Variants in ROCK2 observed in about 807,000 individuals in gnomAD.
ROCK2 encodes Rho associated coiled-coil containing protein kinase 2.
In ROCK2, 61 loss-of-function variants were observed where a neutral mutation model predicts 195.1. That is an observed-to-expected ratio of 0.31 (90% confidence interval 0.25 to 0.39). The LOEUF is 0.39. Among genes scored for constraint, ROCK2 ranks in the 10% least tolerant of loss-of-function variants. The pLI, the probability that ROCK2 is intolerant of heterozygous loss-of-function variation, is 1.00. For missense variants in ROCK2, 1,109 were observed against 1,637.4 expected (o/e 0.68, Z 5.57); for synonymous variants, 504 against 545.5 (o/e 0.92, Z 1.06).
upstream of ROCK2, among the ~76,000 whole-genome samples, chr2:11,344,913 G>A (rs941046472): frequency 1.4e-4 from 21 of 145,450 alleles, no homozygotes; most frequent in Middle Eastern, 3.5e-3. The surrounding 1 kb of genome is among the most constrained non-coding windows in gnomAD (Gnocchi z 5.4). Context: ...CCCAGGCCGG[G>A]TCCTTCCGCG....
chr2:11,324,631 T>C (rs1668494540), intron 1 of ROCK2, among the ~76,000 whole-genome samples: 1 of 152,070 alleles, frequency 6.6e-6, no homozygotes, highest in Non-Finnish European at 1.5e-5. Context: ...TGAAAAGATA[T>C]GGAGGGAAAA....
Position 11,200,992 on chromosome 2 carries a change from G to A in ROCK2, c.2875C>T (p.Gln959Ter). 1 of 1,604,454 alleles carries A rather than the reference G, an allele frequency of 6.2e-7. No individual in the cohort carries two copies. The highest frequency in any genetic ancestry group is 1.3e-5 in the African/African-American group (1 of 74,418). Residue 959 changes from glutamine (Q) to a stop codon, truncating the protein, a stop_gained, in exon 23 of 33, where the codon CAG (glutamine) becomes TAG (stop). Coordinates refer to ENST00000315872, the MANE Select transcript of ROCK2 (RefSeq NM_004850.5). LOFTEE classifies it high-confidence loss of function. ...EIKEMMARHK[Q>*]ELTEKDATIA... Reference sequence around the variant, plus strand: ...GTAGCATCTTTTTCCGTAAGTTCCTGTTTGTGTCTAGCCATCATCTCTTTG... The same window carrying A: ...GTAGCATCTTTTTCCGTAAGTTCCTATTTGTGTCTAGCCATCATCTCTTTG...
chr2:11,275,835 G>A lies in ROCK2; in HGVS notation c.324+10704C>T, dbSNP rs192729225. Among the ~76,000 whole-genome samples, 1,299 of 152,002 alleles carry A rather than the reference G, an allele frequency of 8.5e-3. 19 individuals carry two copies. Among genetic ancestry groups the A allele is most frequent in the African/African-American group, 0.03 (1,236 of 41,428 alleles). On this transcript the variant is annotated intron_variant, in intron 3 of 32. Transcript: ENST00000315872. ...CTGCCTCAGCCTCCCTAGCAGCTGG[G>A]ATTACAGCTGCCTGCCACCACACTC...
rs1305831522 is a variant in ROCK2, at chr2:11,182,750, T to G, written c.*687A>C. The G allele has an allele frequency of 6.6e-6, 1 of 152,594 alleles. No individual in the cohort carries two copies. Among genetic ancestry groups the G allele is most frequent in the Non-Finnish European group, 1.5e-5 (1 of 68,030 alleles). 9.5% of individuals were successfully genotyped at this position (152,594 alleles called of 1,614,324 possible). A position where few individuals can be genotyped will look rare whatever the true frequency, so the allele number is the denominator to read the frequency against. ...TGAAGCATTAGGAAACTGATATAAT[T>G]AACTTTAAACTTCTTGTTACAGTAA... is the stretch of plus-strand genomic sequence containing the variant. On this transcript the variant is annotated 3_prime_UTR_variant, in exon 33 of 33. Coordinates refer to ENST00000315872, the MANE Select transcript of ROCK2 (RefSeq NM_004850.5).
At chr2:11,268,243 G>A (rs115532985) in intron 3 of ROCK2, among the ~76,000 whole-genome samples, 6,459 of 152,208 alleles carry the variant, frequency 0.042, 277 homozygotes, top group Non-Finnish European at 0.06. Flanking sequence ...TGGGGGCTAA[G>A]TGGTGGTCAA....
chr2:11,283,382 A>G (rs941360489), intron 3 of ROCK2, among the ~76,000 whole-genome samples: 2 of 150,612 alleles, frequency 1.3e-5, no homozygotes, highest in African/African-American at 4.9e-5. Context: ...AACAAGGTGA[A>G]ACCCCGTCTC....
chr2:11,272,869 CAAA>C (rs34327134), intron 3 of ROCK2, among the ~76,000 whole-genome samples: 4 of 99,216 alleles, frequency 4.0e-5, no homozygotes, highest in Non-Finnish European at 3.9e-5. Flanking sequence ...GACTCTGTCT[CAAA>C]AAAAAAAAAA....
chr2:11,193,938 C>T lies in ROCK2; in HGVS notation c.3609-81G>A, dbSNP rs1244597111. On this transcript the variant is annotated intron_variant, in intron 29 of 32. Coordinates refer to ENST00000315872, the MANE Select transcript of ROCK2 (RefSeq NM_004850.5). Reference sequence around the variant, plus strand: ...TTAATTATTCTATACTTACATCAGACGTTAAACACTGACTACTTTGACCCA... The same window carrying T: ...TTAATTATTCTATACTTACATCAGATGTTAAACACTGACTACTTTGACCCA... 13 of 708,516 alleles carry T rather than the reference C, an allele frequency of 1.8e-5. No homozygotes were observed. The East Asian group carries it at 2.3e-4, about 13-fold the overall frequency. 43.9% of individuals were successfully genotyped at this position (708,516 alleles called of 1,614,324 possible). A position where few individuals can be genotyped will look rare whatever the true frequency, so the allele number is the denominator to read the frequency against.
At chr2:11,297,903 A>C (rs933708917) in intron 1 of ROCK2, among the ~76,000 whole-genome samples, 2 of 152,200 alleles carry the variant, frequency 1.3e-5, no homozygotes, top group Non-Finnish European at 2.9e-5. Flanking sequence ...ATTAAAAGCA[A>C]ATGTAATTTC....
intron 3 of ROCK2, among the ~76,000 whole-genome samples, chr2:11,258,236 A>G (rs1666103869): frequency 6.6e-6 from 1 of 151,436 alleles, no homozygotes; most frequent in African/African-American, 2.5e-5. Flanking sequence ...ATGAGTGAAT[A>G]AGTGACTGAC....
chr2:11,280,948 A>G (rs1026849153), intron 3 of ROCK2, among the ~76,000 whole-genome samples: 14 of 152,270 alleles, frequency 9.2e-5, no homozygotes, highest in Admixed American at 7.8e-4. Flanking sequence ...CAAGAAAACT[A>G]CAAACCATTA....
In ROCK2 at chr2:11,344,387, CCTCAGTCAGATTCGCG is replaced by C; in HGVS notation, c.-267_-252del. 1 of 1,132,808 alleles carries C rather than the reference CCTCAGTCAGATTCGCG, an allele frequency of 8.8e-7. No homozygotes were observed. The highest frequency in any genetic ancestry group is 1.1e-6 in the Non-Finnish European group (1 of 925,018). The allele number at this position is 1,132,808 out of a possible 1,614,324, so 70.2% of individuals were successfully genotyped here. On this transcript the variant is annotated 5_prime_UTR_variant, in exon 1 of 33. Transcript: ENST00000315872. The surrounding 1 kb of genome is among the most constrained non-coding windows in gnomAD (Gnocchi z 5.4). ...GCGGGGAACAGACGGCGTCCCCGCC[CCTCAGTCAGATTCGCG>C]CCGCCGGTCCGCTGGTCCTCAGCGA...
intron 1 of ROCK2, among the ~76,000 whole-genome samples, chr2:11,299,281 A>G (rs1667634441): frequency 6.6e-6 from 1 of 151,956 alleles, no homozygotes; most frequent in African/African-American, 2.4e-5. Flanking sequence ...CTCAAAAAAA[A>G]AAAAAAATCA....
chr2:11,337,361 C>T (rs1188340831), intron 1 of ROCK2, among the ~76,000 whole-genome samples: 1 of 151,688 alleles, frequency 6.6e-6, no homozygotes, highest in Non-Finnish European at 1.5e-5. Context: ...TTCTAAGATT[C>T]AATAATAAAT....
chr2:11,204,874 T>C (rs1247327485), intron 20 of ROCK2, among the ~76,000 whole-genome samples: 1 of 152,216 alleles, frequency 6.6e-6, no homozygotes, highest in Non-Finnish European at 1.5e-5. Flanking sequence ...CCTTGATATA[T>C]GTTTCCTCCG....
intron 20 of ROCK2, among the ~76,000 whole-genome samples, chr2:11,204,208 T>C (rs572363704): frequency 1.3e-5 from 2 of 152,158 alleles, no homozygotes; most frequent in Non-Finnish European, 2.9e-5. Context: ...TATTTGCCCA[T>C]TCCCTGTTGT....
intron 4 of ROCK2, among the ~76,000 whole-genome samples, chr2:11,242,212 T>C (rs1320610513): frequency 6.6e-6 from 1 of 151,994 alleles, no homozygotes; most frequent in African/African-American, 2.4e-5. Flanking sequence ...AGGGAAAAAA[T>C]AAAAGTCAGA....
intron 4 of ROCK2, among the ~76,000 whole-genome samples, chr2:11,237,698 C>T (rs80133777): frequency 0.023 from 3,442 of 152,156 alleles, 59 homozygotes; most frequent in East Asian, 0.053. Context: ...ATATGGCAGA[C>T]AAGAAAACAA....
At chr2:11,314,343 G>C (rs1162466488) in intron 1 of ROCK2, among the ~76,000 whole-genome samples, 2 of 151,790 alleles carry the variant, frequency 1.3e-5, no homozygotes, top group African/African-American at 4.8e-5. Context: ...TAAAGAAACT[G>C]ACTGCATTGC....
Sources: gnomAD v4.1 joint callset for allele counts (sites outside exome capture counted in the v4.1 genomes callset) on GRCh38, gnomAD v4.1.1 for gene constraint, Gnocchi (gnomAD v3.1) non-coding constraint, MANE v1.5 for transcripts, NCBI Gene and HGNC (gene_info 2026-07-23, HGNC 2026-07-21) for gene names.